Variants in CNIH4 observed in about 807,000 individuals in gnomAD.
CNIH4 encodes the protein cornichon family member 4.
In CNIH4, 9 loss-of-function variants were observed where a neutral mutation model predicts 21.5. The observed-to-expected ratio is 0.42, with a 90% CI of 0.25 to 0.73. The LOEUF (loss-of-function observed/expected upper bound fraction) is 0.73. CNIH4 is among the 30% of genes least tolerant of loss of function. The pLI, the probability that CNIH4 is intolerant of heterozygous loss-of-function variation, is 0.27. For synonymous variants in CNIH4, 67 were observed against 59.1 expected, an observed-to-expected ratio of 1.13 and a Z score of -0.61; for missense variants, 159 against 170.0, an observed-to-expected ratio of 0.94 and a Z score of 0.36.
intron 3 of CNIH4, among the ~76,000 whole-genome samples, chr1:224,367,376 G>A (rs990417191): frequency 1.3e-5 from 2 of 152,178 alleles, no homozygotes; most frequent in Middle Eastern, 3.4e-3. Flanking sequence ...TGGATATGGG[G>A]GAATGATTTT....
At chr1:224,360,364 G>T in intron 1 of CNIH4, 131 bp from the exon 2 acceptor site, 1 of 473,322 alleles carries the variant, frequency 2.1e-6, no homozygotes, top group Non-Finnish European at 3.8e-6. Context: ...TGTCTAATGA[G>T]CAAACTTTAG....
chr1:224,368,899 A>G (rs943570191), intron 3 of CNIH4, among the ~76,000 whole-genome samples: 2 of 132,180 alleles, frequency 1.5e-5, no homozygotes, highest in African/African-American at 5.8e-5. Flanking sequence ...AACACTTTTT[A>G]CTGTGTGTGT....
At position 224,378,317 on chromosome 1, in the gene CNIH4, A is replaced by T. The variant is rs1672834940; in HGVS notation, c.*2495A>T. The T allele has an allele frequency of 6.6e-6, 1 of 152,204 alleles. No individual in the cohort carries two copies. Among genetic ancestry groups the T allele is most frequent in the Non-Finnish European group, 1.5e-5 (1 of 68,080 alleles). 9.4% of individuals were successfully genotyped at this position (152,204 alleles called of 1,614,324 possible). A position where few individuals can be genotyped will look rare whatever the true frequency, so the allele number is the denominator to read the frequency against. ...CTGCCTCGGCCTCCCAGATGTTGGG[A>T]TTACTGGTGTGAGCCACCACGCCCA... is the stretch of plus-strand genomic sequence containing the variant. On this transcript the variant is annotated 3_prime_UTR_variant, in exon 5 of 5. Transcript: ENST00000465271.
chr1:224,363,172 G>A (rs536768214), intron 2 of CNIH4, among the ~76,000 whole-genome samples: 5 of 152,106 alleles, frequency 3.3e-5, no homozygotes, highest in Non-Finnish European at 5.9e-5. Flanking sequence ...AGCCTCCTGA[G>A]TAGCTGGGAT....
At chr1:224,360,974 CTTTA>C (rs377096979) in intron 2 of CNIH4, among the ~76,000 whole-genome samples, 2 of 151,654 alleles carry the variant, frequency 1.3e-5, no homozygotes, top group African/African-American at 4.8e-5. Flanking sequence ...ATGTATGACT[CTTTA>C]TTTATTTATT....
intron 2 of CNIH4, among the ~76,000 whole-genome samples, chr1:224,363,216 G>A (rs1023721012): frequency 6.6e-6 from 1 of 151,836 alleles, no homozygotes; most frequent in African/African-American, 2.4e-5. Context: ...GCTAATTTTT[G>A]TATTTTTAAT....
At chr1:224,367,818 CTT>C (rs1228153089) in intron 3 of CNIH4, among the ~76,000 whole-genome samples, 2 of 152,220 alleles carry the variant, frequency 1.3e-5, no homozygotes, top group Non-Finnish European at 2.9e-5. Context: ...CCCAGACAGA[CTT>C]TTAGCACAGC....
chr1:224,361,888 T>C (rs776743944), intron 2 of CNIH4, among the ~76,000 whole-genome samples: 1 of 152,206 alleles, frequency 6.6e-6, no homozygotes, highest in Non-Finnish European at 1.5e-5. Flanking sequence ...CCCAGCCTCA[T>C]GTAGCTTCTT....
Position 224,356,933 on chromosome 1 carries a change from G to A in CNIH4, c.9G>A (p.Ala3=). The A allele has an allele frequency of 6.2e-7, 1 of 1,610,154 alleles. No individual in the cohort carries two copies. Among genetic ancestry groups the A allele is most frequent in the Non-Finnish European group, 8.5e-7 (1 of 1,178,352 alleles). The change falls in exon 1 of 5, where the codon GCG becomes GCA. Residue 3 remains alanine (A), a synonymous_variant. Transcript: ENST00000465271. ...GGCGACGGAGGAGGAGGATGGAGGC[G>A]GTGGTGTTCGTCTTCTCTCTCCTCG... ME[A]VVFVFSLLDC...
chr1:224,376,171 C>T lies in CNIH4; in HGVS notation c.*349C>T, dbSNP rs561403073. The T allele has an allele frequency of 1.1e-5, 11 of 1,023,676 alleles. No individual in the cohort carries two copies. The highest frequency in any genetic ancestry group is 1.7e-5 in the African/African-American group (1 of 58,764). 63.4% of individuals were successfully genotyped at this position (1,023,676 alleles called of 1,614,324 possible). ...TTAAAGGGCAAACTGAAGAGATGAG[C>T]GAGCAAAGGTGCCCTTCAGGTCTAC... On this transcript the variant is annotated 3_prime_UTR_variant, in exon 5 of 5. Transcript: ENST00000465271.
chr1:224,376,464 C>T lies in CNIH4; in HGVS notation c.*642C>T. The T allele has an allele frequency of 1.0e-6, 1 of 985,268 alleles. No individual in the cohort carries two copies. Among genetic ancestry groups the T allele is most frequent in the Non-Finnish European group, 1.2e-6 (1 of 829,806 alleles). 61.0% of individuals were successfully genotyped at this position (985,268 alleles called of 1,614,324 possible). A position where few individuals can be genotyped will look rare whatever the true frequency, so the allele number is the denominator to read the frequency against. ...AAGGAAATATTTTGTCAAGAGCTTTCATTTAAAAGCTACTACCTCCACAAT... is the reference window on the plus strand; with the variant it reads ...AAGGAAATATTTTGTCAAGAGCTTTTATTTAAAAGCTACTACCTCCACAAT... On this transcript the variant is annotated 3_prime_UTR_variant, in exon 5 of 5. Coordinates refer to ENST00000465271, the MANE Select transcript of CNIH4 (RefSeq NM_014184.4).
At chr1:224,356,828 C>A, upstream of CNIH4, 1 of 1,045,718 alleles carries the variant, frequency 9.6e-7, no homozygotes, top group Non-Finnish European at 1.5e-6. Flanking sequence ...GATTCGAGGA[C>A]CACACGCCTC....
chr1:224,366,529 T>C (rs978763315), intron 3 of CNIH4, among the ~76,000 whole-genome samples: 2 of 150,812 alleles, frequency 1.3e-5, no homozygotes, highest in Non-Finnish European at 3.0e-5. Flanking sequence ...TTTTGTATTT[T>C]TAGTAGACAG....
chr1:224,358,758 G>C (rs371733113), intron 1 of CNIH4, among the ~76,000 whole-genome samples: 13 of 152,292 alleles, frequency 8.5e-5, no homozygotes, highest in East Asian at 3.9e-4. Context: ...AACCAGGCTT[G>C]ATAATTTTAA....
At chr1:224,359,369 G>A (rs1397924184) in intron 1 of CNIH4, among the ~76,000 whole-genome samples, 1 of 152,208 alleles carries the variant, frequency 6.6e-6, no homozygotes, top group Non-Finnish European at 1.5e-5. Flanking sequence ...TTGTGGGCAG[G>A]TGAAAGGAGG....
rs555199750 is a variant in CNIH4, at chr1:224,377,002, G to T, written c.*1180G>T. ...ACTCTAGTTGAGATAGAATTGGGTG[G>T]CTAAACAGGGTGTGTGGTACCCAAA... is the stretch of plus-strand genomic sequence containing the variant. On this transcript the variant is annotated 3_prime_UTR_variant, in exon 5 of 5. Coordinates refer to ENST00000465271, the MANE Select transcript of CNIH4 (RefSeq NM_014184.4). The T allele has an allele frequency of 6.8e-5, 51 of 749,306 alleles. No individual in the cohort carries two copies. The South Asian group carries it at 2.9e-3, about 42-fold the overall frequency. 46.4% of individuals were successfully genotyped at this position (749,306 alleles called of 1,614,324 possible). A position where few individuals can be genotyped will look rare whatever the true frequency, so the allele number is the denominator to read the frequency against.
chr1:224,368,929 T>C (rs1447996538), intron 3 of CNIH4, among the ~76,000 whole-genome samples: 3 of 150,360 alleles, frequency 2.0e-5, no homozygotes, highest in Non-Finnish European at 4.4e-5. Context: ...TTTTTTGATA[T>C]CAAAAAAATA....
At chr1:224,369,508 G>A (rs1392559690) in intron 3 of CNIH4, among the ~76,000 whole-genome samples, 1 of 151,830 alleles carries the variant, frequency 6.6e-6, no homozygotes, top group Non-Finnish European at 1.5e-5. Context: ...TCCAGGAGGA[G>A]GAGGTTGCGC....
chr1:224,361,997 G>C (rs1672301302), intron 2 of CNIH4, among the ~76,000 whole-genome samples: 1 of 152,096 alleles, frequency 6.6e-6, no homozygotes, highest in African/African-American at 2.4e-5. Context: ...AGGGTTCTAG[G>C]CTGGAAAAGA....
Sources: allele counts gnomAD v4.1 joint callset (sites outside exome capture counted in the v4.1 genomes callset), GRCh38; gene constraint gnomAD v4.1.1; transcripts MANE v1.5; gene names NCBI Gene and HGNC (gene_info 2026-07-23, HGNC 2026-07-21).